LIPG: variants seen among roughly 807,000 people sequenced by gnomAD.
LIPG encodes the protein lipase G, endothelial type.
Under a neutral mutation model 51.8 loss-of-function variants are expected in LIPG, and 34 were observed. That is an observed-to-expected ratio of 0.66 (90% CI 0.50 to 0.87). The LOEUF (loss-of-function observed/expected upper bound fraction) is 0.87. Among genes scored for constraint, LIPG ranks in the 40% least tolerant of loss-of-function variants. The probability of loss-of-function intolerance (pLI) is 0.00; values close to 1 mark genes in which losing one functional copy is unlikely to be tolerated. For missense variants in LIPG, 580 were observed against 652.7 expected (o/e 0.89, Z 1.21); for synonymous variants, 246 against 246.1 (o/e 1.00, Z 0.00).
intron 2 of LIPG, among the ~76,000 whole-genome samples, chr18:49,565,858 C>G (rs2084600753): frequency 6.6e-6 from 1 of 152,216 alleles, no homozygotes; most frequent in South Asian, 2.1e-4. Flanking sequence ...ACTAAAGCAA[C>G]TTGACTGGCT....
intron 4 of LIPG, among the ~76,000 whole-genome samples, chr18:49,573,678 G>C (rs2084686375): frequency 6.6e-6 from 1 of 152,064 alleles, no homozygotes; most frequent in Non-Finnish European, 1.5e-5. Context: ...TCTGCAAGTT[G>C]ACCGTCCACT....
At chr18:49,575,125 T>C (rs958614868) in intron 4 of LIPG, among the ~76,000 whole-genome samples, 1 of 152,230 alleles carries the variant, frequency 6.6e-6, no homozygotes, top group African/African-American at 2.4e-5. Flanking sequence ...ACGGGATACA[T>C]GAAGGCTTCA....
chr18:49,568,600 C>G (rs1445010556), intron 3 of LIPG, among the ~76,000 whole-genome samples: 4 of 151,492 alleles, frequency 2.6e-5, no homozygotes, highest in Non-Finnish European at 5.9e-5. Flanking sequence ...AGACTAGTTT[C>G]TAACTCCTGA....
At chr18:49,572,336 AAAATAAAAAAC>A (rs1444803441) in intron 4 of LIPG, among the ~76,000 whole-genome samples, 2 of 127,304 alleles carry the variant, frequency 1.6e-5, no homozygotes, top group East Asian at 2.0e-4. Flanking sequence ...TAAAAAATAA[AAAATAAAAAAC>A]AAACAAACAA....
intron 3 of LIPG, chr18:49,567,832 T>C: frequency 1.8e-6 from 1 of 557,320 alleles, no homozygotes; most frequent in Non-Finnish European, 3.1e-6. Flanking sequence ...ATCTCTGGAT[T>C]TTTCCTGTTA....
upstream of LIPG, chr18:49,561,689 C>A: frequency 8.0e-7 from 1 of 1,243,370 alleles, no homozygotes; most frequent in Non-Finnish European, 1.0e-6. Context: ...GGAGAGGATG[C>A]TCTCCTTCTC....
At chr18:49,561,955 CCAAT>C (rs2084554259), upstream of LIPG, 1 of 1,368,430 alleles carries the variant, frequency 7.3e-7, no homozygotes, top group Non-Finnish European at 9.4e-7. Flanking sequence ...CAAGGTGTGA[CCAAT>C]CAGAGCCCAG....
At chr18:49,562,457 C>T in intron 1 of LIPG, 52 bp downstream of exon 1, 4 of 1,476,844 alleles carry the variant, frequency 2.7e-6, no homozygotes, top group Non-Finnish European at 3.8e-6. Flanking sequence ...TGCTGGGTCC[C>T]CTCTGTCTTG....
In LIPG at chr18:49,595,763, G is replaced by C. The variant is rs1010299833; in HGVS notation, c.*5241G>C. On this transcript the variant is annotated 3_prime_UTR_variant, in exon 10 of 10. Coordinates refer to ENST00000261292, the MANE Select transcript of LIPG (RefSeq NM_006033.4). ...GAATCGCTCGAACCTGGGAGATGGA[G>C]TTTGCAGTGAGCTGAGATCACGCCA... 6.6e-6 allele frequency: 1 copy of C among 152,224 alleles called. No individual in the cohort carries two copies. The highest frequency in any genetic ancestry group is 2.4e-5 in the African/African-American group (1 of 41,448). The allele number at this position is 152,224 out of a possible 1,614,324, so 9.4% of individuals were successfully genotyped here.
At position 49,590,747 on chromosome 18, in the gene LIPG, C is replaced by G. The variant is rs1018395045; in HGVS notation, c.*225C>G. 3.3e-6 allele frequency: 2 copies of G among 609,266 alleles called. No homozygotes were observed. Among genetic ancestry groups the G allele is most frequent in the Non-Finnish European group, 5.9e-6 (2 of 339,628 alleles). The allele number at this position is 609,266 out of a possible 1,614,324, so 37.7% of individuals were successfully genotyped here. A position where few individuals can be genotyped will look rare whatever the true frequency, so the allele number is the denominator to read the frequency against. On this transcript the variant is annotated 3_prime_UTR_variant, in exon 10 of 10. Transcript: ENST00000261292. ...CTCTTGAATAGCTCTAACTCCAAAC[C>G]TCTGTCCACACCTCCAGAGCACCAA... is the stretch of plus-strand genomic sequence containing the variant.
In LIPG at chr18:49,593,000, G is replaced by A. The variant is rs966702877; in HGVS notation, c.*2478G>A. The stretch of plus-strand genomic sequence containing the variant: ...CAGGCTGGAGTGCAGTGGCAATCTT[G>A]GCTCACTACAACCTCTGCCTCCTGG... On this transcript the variant is annotated 3_prime_UTR_variant, in exon 10 of 10. Coordinates refer to ENST00000261292, the MANE Select transcript of LIPG (RefSeq NM_006033.4). 6 of 129,778 alleles carry A rather than the reference G, an allele frequency of 4.6e-5. No individual in the cohort carries two copies. Among genetic ancestry groups the A allele is most frequent in the Non-Finnish European group, 7.7e-5 (5 of 65,106 alleles). 8.0% of individuals were successfully genotyped at this position (129,778 alleles called of 1,614,324 possible).
chr18:49,579,764 C>CTTTCTTTTCTTTTCTTTTCT lies in LIPG; in HGVS notation c.794-1613_794-1594dup, dbSNP rs60357456. ...CCTTTCTTTCCTTTCCTTTCCTTTC[C>CTTTCTTTTCTTTTCTTTTCT]TTTCTTTTCTTTTCTTTTCTTTTCT... On this transcript the variant is annotated intron_variant, in intron 5 of 9. Transcript: ENST00000261292. Among the ~76,000 whole-genome samples the CTTTCTTTTCTTTTCTTTTCT allele has an allele frequency of 6.0e-3, 676 of 112,196 alleles. 10 individuals carry two copies. Among genetic ancestry groups the CTTTCTTTTCTTTTCTTTTCT allele is most frequent in the East Asian group, 0.012 (50 of 4,178 alleles). The allele number at this position is 112,196 out of a possible 152,430, so 73.6% of individuals were successfully genotyped here. A position where few individuals can be genotyped will look rare whatever the true frequency, so the allele number is the denominator to read the frequency against.
In LIPG at chr18:49,579,754, C is replaced by CT. The variant is rs1283253953; in HGVS notation, c.794-1658dup. Among the ~76,000 whole-genome samples the CT allele has an allele frequency of 4.2e-3, 497 of 118,204 alleles. 18 individuals carry two copies. The highest frequency in any genetic ancestry group is 0.018 in the African/African-American group (413 of 23,294). 77.5% of individuals were successfully genotyped at this position (118,204 alleles called of 152,430 possible). ...AGGATGATGGCCTTTCTTTCCTTTCCTTTCCTTTCCTTTCTTTTCTTTTCT... is the reference window on the plus strand; with the variant it reads ...AGGATGATGGCCTTTCTTTCCTTTCCTTTTCCTTTCCTTTCTTTTCTTTTCT... On this transcript the variant is annotated intron_variant, in intron 5 of 9. Coordinates refer to ENST00000261292, the MANE Select transcript of LIPG (RefSeq NM_006033.4).
intron 6 of LIPG, 89 bp downstream of exon 6, chr18:49,581,746 CAGG>C: frequency 2.0e-6 from 3 of 1,506,910 alleles, no homozygotes; most frequent in Non-Finnish European, 2.7e-6. Flanking sequence ...CATCCTAGCC[CAGG>C]AGAAGTGGCC....
At chr18:49,587,180 A>T (rs1009592661) in intron 9 of LIPG, among the ~76,000 whole-genome samples, 18 of 151,690 alleles carry the variant, frequency 1.2e-4, no homozygotes, top group Non-Finnish European at 2.5e-4. Context: ...AGGTTGAGGC[A>T]GGAAAATCAC....
Position 49,592,201 on chromosome 18 carries a change from G to C in LIPG, c.*1679G>C, listed in dbSNP as rs2084952464. 1.3e-5 allele frequency: 2 copies of C among 152,188 alleles called. No homozygotes were observed. The highest frequency in any genetic ancestry group is 4.8e-5 in the African/African-American group (2 of 41,448). The allele number at this position is 152,188 out of a possible 1,614,324, so 9.4% of individuals were successfully genotyped here. A position where few individuals can be genotyped will look rare whatever the true frequency, so the allele number is the denominator to read the frequency against. Reference sequence around the variant, plus strand: ...GTTGTATCACTGTTAAACTTCTGAAGACATAACCAGTTGAGTCTTATTTCA... The same window carrying C: ...GTTGTATCACTGTTAAACTTCTGAACACATAACCAGTTGAGTCTTATTTCA... On this transcript the variant is annotated 3_prime_UTR_variant, in exon 10 of 10. Transcript: ENST00000261292.
intron 5 of LIPG, among the ~76,000 whole-genome samples, chr18:49,578,064 G>A (rs1466525351): frequency 7.4e-6 from 1 of 135,512 alleles, no homozygotes; most frequent in Non-Finnish European, 1.6e-5. Context: ...CTGGCCGGGC[G>A]GGGGGGCTGG....
At chr18:49,561,550 G>T, upstream of LIPG, 1 of 626,280 alleles carries the variant, frequency 1.6e-6, no homozygotes, top group Non-Finnish European at 2.3e-6. Flanking sequence ...CACCTGTTGC[G>T]GCCCTCGCTA....
intron 1 of LIPG, among the ~76,000 whole-genome samples, chr18:49,564,372 G>T (rs1255286714): frequency 6.6e-6 from 1 of 152,222 alleles, no homozygotes; most frequent in Admixed American, 6.5e-5. Flanking sequence ...GTGTCATGAT[G>T]ACAGCACCTA....
Sources: allele counts gnomAD v4.1 joint callset (sites outside exome capture counted in the v4.1 genomes callset), GRCh38; gene constraint gnomAD v4.1.1; transcripts MANE v1.5; gene names NCBI Gene and HGNC (gene_info 2026-07-23, HGNC 2026-07-21).